The following AGMO variants were observed in gnomAD, a reference collection of about 807,000 sequenced individuals.
The protein encoded by AGMO is alkylglycerol monooxygenase, also known as glyceryl-ether monooxygenase.
Under a neutral mutation model 60.2 loss-of-function variants are expected in AGMO, and 75 were observed. The observed-to-expected ratio is 1.25, with a 90% CI of 1.03 to 1.51. The LOEUF (loss-of-function observed/expected upper bound fraction) is 1.51. Among genes scored for constraint, AGMO ranks in the 40% most tolerant of loss-of-function variants. The pLI is 0.00. For synonymous variants in AGMO, 261 were observed against 177.1 expected (o/e 1.47, Z -3.76); for missense variants, 763 against 525.5 (o/e 1.45, Z -4.42).
intron 12 of AGMO, among the ~76,000 whole-genome samples, chr7:15,312,659 T>C (rs1780801289): frequency 6.6e-6 from 1 of 152,092 alleles, no homozygotes; most frequent in Non-Finnish European, 1.5e-5. Flanking sequence ...AAGAGTTTAC[T>C]GCTATCAGAC....
chr7:15,265,611 TA>T (rs111422194), intron 12 of AGMO, among the ~76,000 whole-genome samples: 10,324 of 149,394 alleles, frequency 0.069, 415 homozygotes, highest in African/African-American at 0.081. Context: ...TGGATACAAT[TA>T]AAAAAAAAAT....
intron 5 of AGMO, among the ~76,000 whole-genome samples, chr7:15,414,269 G>C (rs546462682): frequency 1.3e-5 from 2 of 152,140 alleles, no homozygotes; most frequent in East Asian, 1.9e-4. Flanking sequence ...AAAGTGCTGG[G>C]ATTACAGGCA....
chr7:15,383,577 G>A (rs530783255), intron 10 of AGMO, among the ~76,000 whole-genome samples: 1 of 151,866 alleles, frequency 6.6e-6, no homozygotes, highest in Non-Finnish European at 1.5e-5. Context: ...TATTACACTG[G>A]TACCTAACTA....
At chr7:15,303,138 T>C (rs903579922) in intron 12 of AGMO, among the ~76,000 whole-genome samples, 4 of 151,964 alleles carry the variant, frequency 2.6e-5, no homozygotes, top group African/African-American at 9.7e-5. Flanking sequence ...GAAAAAAAAG[T>C]GCAGCCCACA....
At chr7:15,399,298 C>A (rs2128489115) in intron 5 of AGMO, among the ~76,000 whole-genome samples, 1 of 152,120 alleles carries the variant, frequency 6.6e-6, no homozygotes, top group South Asian at 2.1e-4. Flanking sequence ...GGGAGAAATT[C>A]TACAATTTCT....
downstream of AGMO, among the ~76,000 whole-genome samples, chr7:15,199,174 A>G (rs1781209450): frequency 2.0e-5 from 3 of 152,270 alleles, no homozygotes; most frequent in South Asian, 6.2e-4. Flanking sequence ...TTTCACTGTT[A>G]TAATTTTTGT....
At chr7:15,282,040 T>C (rs1052353520) in intron 12 of AGMO, among the ~76,000 whole-genome samples, 2 of 151,812 alleles carry the variant, frequency 1.3e-5, no homozygotes, top group Non-Finnish European at 2.9e-5. Context: ...TAAATTCACA[T>C]CTCCAAGGAA....
At chr7:15,302,598 A>G (rs1483009810) in intron 12 of AGMO, among the ~76,000 whole-genome samples, 1 of 152,224 alleles carries the variant, frequency 6.6e-6, no homozygotes, top group Admixed American at 6.5e-5. Context: ...TAAATCAAGG[A>G]GACTGGCATA....
chr7:15,157,492 C>G, the AGMO span, among the ~76,000 whole-genome samples: 1 of 152,304 alleles, frequency 6.6e-6, no homozygotes, highest in East Asian at 1.9e-4. Flanking sequence ...GTTTGCCTTG[C>G]TATTTCTTAC....
At chr7:15,545,194 G>A (rs777763316) in intron 2 of AGMO, among the ~76,000 whole-genome samples, 3 of 151,952 alleles carry the variant, frequency 2.0e-5, no homozygotes, top group Non-Finnish European at 4.4e-5. Flanking sequence ...CATTTTTTAT[G>A]TCTCTTAAAA....
intron 12 of AGMO, among the ~76,000 whole-genome samples, chr7:15,316,935 A>G (rs923067903): frequency 6.6e-6 from 1 of 152,190 alleles, no homozygotes; most frequent in African/African-American, 2.4e-5. Flanking sequence ...AACTGTCTTC[A>G]CAGAAAGAGA....
chr7:15,387,164 C>T (rs986215651), intron 9 of AGMO, among the ~76,000 whole-genome samples: 2 of 152,202 alleles, frequency 1.3e-5, no homozygotes, highest in Non-Finnish European at 2.9e-5. Context: ...CCAGCCTCTG[C>T]AGCACTGCTC....
At chr7:15,123,964 C>T in the AGMO span, among the ~76,000 whole-genome samples, 1 of 152,060 alleles carries the variant, frequency 6.6e-6, no homozygotes, top group Non-Finnish European at 1.5e-5. Flanking sequence ...TGTATCAGTA[C>T]CATCTCAAAT....
the AGMO span, among the ~76,000 whole-genome samples, chr7:15,194,185 T>G: frequency 1.3e-5 from 2 of 152,154 alleles, no homozygotes; most frequent in Non-Finnish European, 2.9e-5. Context: ...GATAGGCTGT[T>G]AAAAATTACT....
intron 12 of AGMO, among the ~76,000 whole-genome samples, chr7:15,324,241 G>T (rs1781269118): frequency 6.6e-6 from 1 of 152,126 alleles, no homozygotes; most frequent in Non-Finnish European, 1.5e-5. Flanking sequence ...AATGGTGTGT[G>T]CCATAGTTGA....
At chr7:15,506,703 A>G (rs1211812396) in intron 3 of AGMO, among the ~76,000 whole-genome samples, 1 of 152,054 alleles carries the variant, frequency 6.6e-6, no homozygotes, top group East Asian at 1.9e-4. Flanking sequence ...CTGTAGATGC[A>G]GAAACTGCTA....
chr7:15,481,564 T>C (rs999567513), intron 3 of AGMO, among the ~76,000 whole-genome samples: 3 of 151,906 alleles, frequency 2.0e-5, no homozygotes, highest in Non-Finnish European at 4.4e-5. Context: ...AACTTCAAAA[T>C]GTATAAGCAA....
At chr7:15,302,628 T>C (rs1395276668) in intron 12 of AGMO, among the ~76,000 whole-genome samples, 1 of 152,170 alleles carries the variant, frequency 6.6e-6, no homozygotes, top group Admixed American at 6.6e-5. Flanking sequence ...GCGCAGTACT[T>C]GTTACAAAGC....
chr7:15,403,570 CAAT>C lies in AGMO; in HGVS notation c.610-9394_610-9392del, dbSNP rs1172542744. Among the ~76,000 whole-genome samples the C allele has an allele frequency of 4.6e-5, 7 of 151,984 alleles. No homozygotes were observed. In the East Asian group the frequency reaches 7.7e-4, roughly 17 times the overall value. The stretch of plus-strand genomic sequence containing the variant: ...ACATAAAAATATGATTTTATACTAT[CAAT>C]AAAATCTACAGCAATTCTAATTTAA... On this transcript the variant is annotated intron_variant, in intron 5 of 12. Coordinates refer to ENST00000342526, the MANE Select transcript of AGMO (RefSeq NM_001004320.2).
Sources: gnomAD v4.1 joint callset for allele counts (sites outside exome capture counted in the v4.1 genomes callset) on GRCh38, gnomAD v4.1.1 for gene constraint, MANE v1.5 for transcripts, NCBI Gene and HGNC (gene_info 2026-07-23, HGNC 2026-07-21) for gene names.